The following EFHC1 variants were observed in gnomAD, a reference collection of about 807,000 sequenced individuals.
EFHC1 encodes the protein EF-hand domain containing 1.
Under a neutral mutation model 69.9 loss-of-function variants are expected in EFHC1, and 53 were observed. The ratio of observed to expected loss-of-function variants is 0.76; its 90% CI spans 0.61 to 0.95. The LOEUF is 0.95. EFHC1 is among the 40% of genes least tolerant of loss of function. The pLI is 0.00. For synonymous variants in EFHC1, 256 were observed against 278.4 expected (o/e 0.92, Z 0.80); for missense variants, 739 against 798.7 (o/e 0.93, Z 0.90).
intron 3 of EFHC1, among the ~76,000 whole-genome samples, chr6:52,447,156 T>G (rs1018030477): frequency 6.6e-6 from 1 of 152,232 alleles, no homozygotes; most frequent in Admixed American, 6.5e-5. Flanking sequence ...CTGCAGAATG[T>G]TTTCCAACTT....
chr6:52,459,645 G>A (rs991859004), intron 5 of EFHC1, among the ~76,000 whole-genome samples: 2 of 152,158 alleles, frequency 1.3e-5, no homozygotes, highest in South Asian at 2.1e-4. Context: ...GAAAAATAGC[G>A]TGACAGGTTT....
intron 10 of EFHC1, among the ~76,000 whole-genome samples, chr6:52,491,742 G>T (rs951252584): frequency 1.3e-5 from 2 of 152,182 alleles, no homozygotes; most frequent in African/African-American, 4.8e-5. Context: ...AGAGCTCCCT[G>T]CTTCTAGTGA....
rs1765978539 is a variant in EFHC1, at chr6:52,493,916, A to G, written c.*1575A>G. ...TTTGCCCTCTCAGAACTTCTAGGGAACTTCCCTTGGTGTTTCCTTCCCTAA... is the reference window on the plus strand; with the variant it reads ...TTTGCCCTCTCAGAACTTCTAGGGAGCTTCCCTTGGTGTTTCCTTCCCTAA... On this transcript the variant is annotated 3_prime_UTR_variant, in exon 11 of 11. Coordinates refer to ENST00000371068, the MANE Select transcript of EFHC1 (RefSeq NM_018100.4). 2.2e-6 allele frequency: 1 copy of G among 453,956 alleles called. No homozygotes were observed. Among genetic ancestry groups the G allele is most frequent in the South Asian group, 1.6e-5 (1 of 64,478 alleles). 28.1% of individuals were successfully genotyped at this position (453,956 alleles called of 1,614,324 possible). A position where few individuals can be genotyped will look rare whatever the true frequency, so the allele number is the denominator to read the frequency against.
chr6:52,422,714 C>G (rs974864262), intron 1 of EFHC1, among the ~76,000 whole-genome samples: 16 of 152,092 alleles, frequency 1.1e-4, no homozygotes, highest in Admixed American at 8.5e-4. Flanking sequence ...AACATAACCT[C>G]TAATTTGCCT....
intron 7 of EFHC1, 52 bp downstream of exon 7, chr6:52,469,525 A>G: frequency 6.2e-7 from 1 of 1,606,626 alleles, no homozygotes; most frequent in Non-Finnish European, 8.5e-7. Context: ...AGTACTGTGT[A>G]CAATTGTTTA....
chr6:52,492,404 A>C lies in EFHC1; in HGVS notation c.*63A>C. 1 of 1,476,390 alleles carries C rather than the reference A, an allele frequency of 6.8e-7. No homozygotes were observed. The highest frequency in any genetic ancestry group is 9.4e-7 in the Non-Finnish European group (1 of 1,059,728). The allele number at this position is 1,476,390 out of a possible 1,614,324, so 91.5% of individuals were successfully genotyped here. Reference sequence around the variant, plus strand: ...GGAACTATGCTTTGAAATACACCTTACACTCTTCATAGAGGCATTTACAGG... The same window carrying C: ...GGAACTATGCTTTGAAATACACCTTCCACTCTTCATAGAGGCATTTACAGG... On this transcript the variant is annotated 3_prime_UTR_variant, in exon 11 of 11. Coordinates refer to ENST00000371068, the MANE Select transcript of EFHC1 (RefSeq NM_018100.4).
intron 5 of EFHC1, among the ~76,000 whole-genome samples, chr6:52,456,551 C>T (rs1309765428): frequency 1.3e-5 from 2 of 152,126 alleles, no homozygotes; most frequent in Non-Finnish European, 2.9e-5. Flanking sequence ...CTATAATTTC[C>T]CAATTAAAAA....
rs752797704 is a variant in EFHC1, at chr6:52,479,168, T to C, written c.1410T>C (p.Thr470=). The C allele has an allele frequency of 1.2e-6, 2 of 1,614,158 alleles. No homozygotes were observed. The highest frequency in any genetic ancestry group is 2.2e-5 in the South Asian group (2 of 91,084). The change falls in exon 8 of 11, where the codon ACT becomes ACC. Residue 470 remains threonine (T), a synonymous_variant. Transcript: ENST00000371068. ...TTGGGGGCAAGTACCTTGGCAGGAC[T>C]AAAGTTGTTAAACCATACTCTACAG... ...GIIGGKYLGR[T]KVVKPYSTVD...
At chr6:52,440,714 G>C (rs1314194659) in intron 3 of EFHC1, among the ~76,000 whole-genome samples, 1 of 152,020 alleles carries the variant, frequency 6.6e-6, no homozygotes, top group African/African-American at 2.4e-5. Flanking sequence ...TCACTACACT[G>C]CTTTCTACAA....
rs140065390 is a variant in EFHC1, at chr6:52,454,998, G to A, written c.916+711G>A. Among the ~76,000 whole-genome samples the A allele has an allele frequency of 3.1e-4, 47 of 152,096 alleles. No homozygotes were observed. In the East Asian group the frequency reaches 7.6e-3, roughly 24 times the overall value. ...TCCCAGCTACTTGGGAGGCTGAGGT[G>A]GGAGGATCATCTGAGCCTGGGAGGT... On this transcript the variant is annotated intron_variant, in intron 5 of 10. Coordinates refer to ENST00000371068, the MANE Select transcript of EFHC1 (RefSeq NM_018100.4).
intron 10 of EFHC1, 41 bp from the exon 11 acceptor site, chr6:52,492,229 C>T (rs145216765): frequency 1.3e-6 from 2 of 1,583,370 alleles, no homozygotes; most frequent in East Asian, 2.2e-5. Flanking sequence ...GACGGAAGCC[C>T]TGCAGATCTG....
chr6:52,442,153 G>A lies in EFHC1; in HGVS notation c.573+3562G>A, dbSNP rs375086371. Among the ~76,000 whole-genome samples the A allele has an allele frequency of 2.0e-5, 3 of 152,204 alleles. No individual in the cohort carries two copies. In the East Asian group the frequency reaches 5.8e-4, roughly 29 times the overall value. On this transcript the variant is annotated intron_variant, in intron 3 of 10. Coordinates refer to ENST00000371068, the MANE Select transcript of EFHC1 (RefSeq NM_018100.4). ...CAATATTGTCTTGGATAGAAGTTGT[G>A]GAAGAGGGCATCCTTTTCTTGTGTC...
At position 52,479,780 on chromosome 6, in the gene EFHC1, G is replaced by A. The variant is rs146351342; in HGVS notation, c.1633G>A (p.Ala545Thr). The change falls in exon 9 of 11, where the codon GCA becomes ACA. Residue 545 changes from alanine (A) to threonine (T), a missense_variant. Transcript: ENST00000371068. ...VRKREAPAPE[A>T]ESKQTEKDPG... is the part of the protein sequence containing the mutation. ...AAAGCGAGAAGCGCCTGCTCCAGAA[G>A]CAGAAAGGTGTGTGTTTGATTGCTA... 49 of 1,614,092 alleles carry A rather than the reference G, an allele frequency of 3.0e-5. No individual in the cohort carries two copies. The highest frequency in any genetic ancestry group is 3.8e-5 in the Non-Finnish European group (45 of 1,180,032).
At chr6:52,455,069 G>C (rs758087022) in intron 5 of EFHC1, among the ~76,000 whole-genome samples, 1 of 152,116 alleles carries the variant, frequency 6.6e-6, no homozygotes, top group African/African-American at 2.4e-5. Flanking sequence ...TCCAGCCTGG[G>C]CAACAGTGAG....
intron 3 of EFHC1, among the ~76,000 whole-genome samples, chr6:52,446,401 T>C (rs1764787510): frequency 6.6e-6 from 1 of 152,212 alleles, no homozygotes. Context: ...TTTTTTGTTT[T>C]CCATTTGCTT....
intron 7 of EFHC1, among the ~76,000 whole-genome samples, chr6:52,469,766 A>G (rs1473016872): frequency 6.6e-6 from 1 of 152,194 alleles, no homozygotes; most frequent in Non-Finnish European, 1.5e-5. Flanking sequence ...TTAAGTAACT[A>G]TGAAATTGCT....
chr6:52,484,806 C>T (rs998063708), intron 9 of EFHC1, among the ~76,000 whole-genome samples: 2 of 151,958 alleles, frequency 1.3e-5, no homozygotes, highest in South Asian at 2.1e-4. Context: ...GTGATTGTTT[C>T]GTGATAGTAG....
At chr6:52,444,804 A>C (rs1764743222) in intron 3 of EFHC1, among the ~76,000 whole-genome samples, 1 of 152,194 alleles carries the variant, frequency 6.6e-6, no homozygotes. Flanking sequence ...TTGGCCTCAT[A>C]AAATGAATTA....
In EFHC1 at chr6:52,454,229, T is replaced by G; in HGVS notation, c.858T>G (p.Asp286Glu). The G allele has an allele frequency of 1.2e-6, 2 of 1,614,084 alleles. No homozygotes were observed. Among genetic ancestry groups the G allele is most frequent in the Non-Finnish European group, 1.7e-6 (2 of 1,179,972 alleles). The change falls in exon 5 of 11, where the codon GAT becomes GAG. Residue 286 changes from aspartate to glutamate, a missense_variant. By Grantham distance (45) the Asp-to-Glu change is conservative (BLOSUM62 2). Coordinates refer to ENST00000371068, the MANE Select transcript of EFHC1 (RefSeq NM_018100.4). ...REVHERNDGR[D>E]PFPLLMNRQR... ...TCCACGAACGGAATGATGGGAGAGA[T>G]CCTTTCCCACTCCTAATGAACCGCC...
Sources: gnomAD v4.1 joint callset for allele counts (sites outside exome capture counted in the v4.1 genomes callset) on GRCh38, gnomAD v4.1.1 for gene constraint, MANE v1.5 for transcripts, NCBI Gene and HGNC (gene_info 2026-07-23, HGNC 2026-07-21) for gene names.